SERPINB10: variants seen among roughly 807,000 people sequenced by gnomAD.
The protein encoded by SERPINB10 is serpin family B member 10.
A neutral mutation model predicts 39.1 loss-of-function variants in SERPINB10; 35 were observed. That is an observed-to-expected ratio of 0.90 (90% CI 0.68 to 1.19). The LOEUF is 1.19. Ranked by LOEUF, SERPINB10 falls within the 50% of genes most tolerant of loss-of-function variation. The pLI is 0.00. For synonymous variants in SERPINB10, 190 were observed against 158.1 expected, an observed-to-expected ratio of 1.20 and a Z score of -1.52; for missense variants, 546 against 460.5, an observed-to-expected ratio of 1.19 and a Z score of -1.70.
At chr18:63,930,501 T>C (rs1483574830) in intron 6 of SERPINB10, among the ~76,000 whole-genome samples, 1 of 152,094 alleles carries the variant, frequency 6.6e-6, no homozygotes, top group Non-Finnish European at 1.5e-5. Flanking sequence ...TTAGAAGCAG[T>C]CCAGAACAAG....
intron 5 of SERPINB10, among the ~76,000 whole-genome samples, chr18:63,920,342 C>A (rs1303387087): frequency 1.3e-5 from 2 of 152,012 alleles, no homozygotes; most frequent in Non-Finnish European, 2.9e-5. Context: ...GATTAAACTA[C>A]TCTAAAGAAG....
Position 63,936,103 on chromosome 18 carries a change from T to A in SERPINB10, c.*861T>A, listed in dbSNP as rs1305696972. On this transcript the variant is annotated 3_prime_UTR_variant, in exon 8 of 8. Transcript: ENST00000238508. ...AAATTATTCCAAAATAAAAGTTTTA[T>A]TAAAAATAGTCATTATGGATGGCTG... The A allele has an allele frequency of 6.6e-6, 1 of 152,344 alleles. No individual in the cohort carries two copies. The highest frequency in any genetic ancestry group is 1.5e-5 in the Non-Finnish European group (1 of 68,038). 9.4% of individuals were successfully genotyped at this position (152,344 alleles called of 1,614,324 possible).
chr18:63,929,156 C>A (rs1158044259), intron 5 of SERPINB10, among the ~76,000 whole-genome samples: 1 of 152,056 alleles, frequency 6.6e-6, no homozygotes, highest in African/African-American at 2.4e-5. Context: ...CAAACCCTAT[C>A]TAATTACAGC....
intron 5 of SERPINB10, among the ~76,000 whole-genome samples, chr18:63,920,819 A>G (rs953218945): frequency 4.6e-5 from 7 of 151,942 alleles, no homozygotes; most frequent in Non-Finnish European, 8.8e-5. Context: ...TAGAAGAAAG[A>G]CCTGCAAAAT....
chr18:63,927,757 T>C (rs1320046072), intron 5 of SERPINB10, among the ~76,000 whole-genome samples: 1 of 152,150 alleles, frequency 6.6e-6, no homozygotes, highest in Non-Finnish European at 1.5e-5. Context: ...ATATGTTTCT[T>C]GCATTCCTAA....
intron 3 of SERPINB10, among the ~76,000 whole-genome samples, chr18:63,917,730 C>A (rs1317517197): frequency 6.6e-6 from 1 of 151,926 alleles, no homozygotes. Context: ...CTAAAAATTT[C>A]TCTAGTTTCA....
At chr18:63,911,397 A>T (rs1158755391) in intron 1 of SERPINB10, among the ~76,000 whole-genome samples, 1 of 150,304 alleles carries the variant, frequency 6.7e-6, no homozygotes, top group East Asian at 2.0e-4. Context: ...TTTTTCTAGG[A>T]TTCTGATAGT....
intron 3 of SERPINB10, 125 bp from the exon 4 acceptor site, chr18:63,917,840 C>T (rs1228750473): frequency 2.5e-6 from 2 of 796,422 alleles, no homozygotes; most frequent in Non-Finnish European, 2.0e-6. Context: ...ACATTTTTAT[C>T]CACTTTAGGA....
At chr18:63,911,412 G>A (rs75919592) in intron 1 of SERPINB10, among the ~76,000 whole-genome samples, 136 of 151,762 alleles carry the variant, frequency 9.0e-4, no homozygotes, top group African/African-American at 3.2e-3. Context: ...GATAGTCTGA[G>A]ATCTTACATT....
intron 5 of SERPINB10, among the ~76,000 whole-genome samples, chr18:63,920,370 G>T (rs76497377): frequency 0.015 from 2,205 of 152,036 alleles, 56 homozygotes; most frequent in African/African-American, 0.049. Flanking sequence ...AAATATAGTG[G>T]CTTAATAAGA....
chr18:63,911,947 T>C (rs1425301154), intron 1 of SERPINB10, among the ~76,000 whole-genome samples: 1 of 148,666 alleles, frequency 6.7e-6, no homozygotes, highest in East Asian at 2.0e-4. Flanking sequence ...TATTTATGAT[T>C]TTTAGCAGTG....
chr18:63,920,845 G>T (rs2050141526), intron 5 of SERPINB10, among the ~76,000 whole-genome samples: 1 of 151,900 alleles, frequency 6.6e-6, no homozygotes, highest in Non-Finnish European at 1.5e-5. Flanking sequence ...TTTCAGCTGG[G>T]TTGCCATTTG....
Position 63,919,851 on chromosome 18 carries a change from G to T in SERPINB10, c.436G>T (p.Ala146Ser), listed in dbSNP as rs1037626478. 6.2e-7 allele frequency: 1 copy of T among 1,610,696 alleles called. No individual in the cohort carries two copies. Among genetic ancestry groups the T allele is most frequent in the Non-Finnish European group, 8.5e-7 (1 of 1,178,194 alleles). Residue 146 changes from alanine (A) to serine (S), a missense_variant, in exon 5 of 8, where the codon GCT becomes TCT. Transcript: ENST00000238508. ...ACCTCAGCCTGTTAACTTTGTGGAA[G>T]CTTCTGATCAAATCAGAAAGGACAT... ...AEPQPVNFVE[A>S]SDQIRKDINS... is the part of the protein sequence containing the mutation.
chr18:63,908,268 A>G (rs2050039842), intron 1 of SERPINB10, among the ~76,000 whole-genome samples: 1 of 152,036 alleles, frequency 6.6e-6, no homozygotes, highest in African/African-American at 2.4e-5. Context: ...TTCATTCCCA[A>G]AAAAAGTTAG....
chr18:63,915,362 G>A (rs570154586), intron 1 of SERPINB10, 140 bp from the exon 2 acceptor site: 27 of 486,902 alleles, frequency 5.5e-5, no homozygotes, highest in African/African-American at 4.6e-4. Context: ...ACTATTATTG[G>A]ACTAGAATTT....
chr18:63,911,451 T>C lies in SERPINB10; in HGVS notation c.-10+3411T>C, dbSNP rs190117938. Reference sequence around the variant, plus strand: ...GTCTTTAGTCTATCTTTAGTTAATTTTTGTACATGTTGAAAAGTAGGGTCT... The same window carrying C: ...GTCTTTAGTCTATCTTTAGTTAATTCTTGTACATGTTGAAAAGTAGGGTCT... On this transcript the variant is annotated intron_variant, in intron 1 of 7. Transcript: ENST00000238508. 5.0e-3 allele frequency among the ~76,000 whole-genome samples: 759 copies of C among 152,100 alleles called. 2 individuals are homozygous for C. Among genetic ancestry groups the C allele is most frequent in the Non-Finnish European group, 8.8e-3 (600 of 67,958 alleles).
chr18:63,931,034 T>A (rs914212325), intron 6 of SERPINB10, among the ~76,000 whole-genome samples: 8 of 152,168 alleles, frequency 5.3e-5, no homozygotes, highest in African/African-American at 1.7e-4. Context: ...TCGAGTAGGT[T>A]AACGAGAAGT....
At chr18:63,928,637 G>C (rs2050196885) in intron 5 of SERPINB10, among the ~76,000 whole-genome samples, 1 of 152,094 alleles carries the variant, frequency 6.6e-6, no homozygotes, top group African/African-American at 2.4e-5. Flanking sequence ...ACCTTGGGCA[G>C]TATGGCCGTT....
Position 63,907,976 on chromosome 18 carries a change from T to A in SERPINB10, c.-74T>A. 1 of 323,994 alleles carries A rather than the reference T, an allele frequency of 3.1e-6. No individual in the cohort carries two copies. The highest frequency in any genetic ancestry group is 2.6e-5 in the South Asian group (1 of 38,756). The allele number at this position is 323,994 out of a possible 1,614,324, so 20.1% of individuals were successfully genotyped here. ...TTTCTTCAGTTGAAAGTTTCTCAACTCTTCAGCCACAATCTCTTACTACAG... is the reference window on the plus strand; with the variant it reads ...TTTCTTCAGTTGAAAGTTTCTCAACACTTCAGCCACAATCTCTTACTACAG... On this transcript the variant is annotated 5_prime_UTR_variant, in exon 1 of 8. Coordinates refer to ENST00000238508, the MANE Select transcript of SERPINB10 (RefSeq NM_005024.3).
Sources: gnomAD v4.1 joint callset for allele counts (sites outside exome capture counted in the v4.1 genomes callset) on GRCh38, gnomAD v4.1.1 for gene constraint, MANE v1.5 for transcripts, NCBI Gene and HGNC (gene_info 2026-07-23, HGNC 2026-07-21) for gene names.